Variants in PRKCH observed in about 807,000 individuals in gnomAD.
PRKCH encodes protein kinase C eta type.
A neutral mutation model predicts 82.5 loss-of-function variants in PRKCH; 28 were observed. The observed-to-expected ratio is 0.34, with a 90% CI of 0.25 to 0.47. The LOEUF is 0.47. Ranked by LOEUF, PRKCH falls within the 20% of genes least tolerant of loss-of-function variation. The pLI, the probability that PRKCH is intolerant of heterozygous loss-of-function variation, is 1.00. For synonymous variants in PRKCH, 322 were observed against 327.4 expected, an observed-to-expected ratio of 0.98 and a Z score of 0.18; for missense variants, 705 against 881.8, an observed-to-expected ratio of 0.80 and a Z score of 2.54.
At chr14:61,388,902 G>A (rs1246981193) in intron 1 of PRKCH, among the ~76,000 whole-genome samples, 1 of 152,192 alleles carries the variant, frequency 6.6e-6, no homozygotes, top group Non-Finnish European at 1.5e-5. Context: ...AGGGTGGGTT[G>A]TAAGAATAGG....
intron 1 of PRKCH, among the ~76,000 whole-genome samples, chr14:61,389,037 G>A (rs572616845): frequency 1.6e-4 from 25 of 152,324 alleles, no homozygotes; most frequent in Non-Finnish European, 3.2e-4. Flanking sequence ...GCTTTGTCAT[G>A]GGTAGATACA....
intron 6 of PRKCH, among the ~76,000 whole-genome samples, chr14:61,452,160 C>T (rs911420844): frequency 5.3e-5 from 8 of 152,102 alleles, no homozygotes; most frequent in Non-Finnish European, 8.8e-5. Context: ...TGATTTTTGC[C>T]TTTATGGTCA....
At chr14:61,421,531 C>T (rs766778072) in intron 2 of PRKCH, among the ~76,000 whole-genome samples, 2 of 152,088 alleles carry the variant, frequency 1.3e-5, no homozygotes, top group Non-Finnish European at 2.9e-5. Flanking sequence ...TCTCTGAAGG[C>T]CTATACTCCT....
At chr14:61,402,847 T>A (rs113800179) in intron 2 of PRKCH, among the ~76,000 whole-genome samples, 81 of 150,776 alleles carry the variant, frequency 5.4e-4, no homozygotes, top group Admixed American at 2.6e-3. Flanking sequence ...TCTTTTTTTT[T>A]AATTAATTAA....
At position 61,529,828 on chromosome 14, in the gene PRKCH, C is replaced by T. The variant is rs961158109; in HGVS notation, c.1573-579C>T. On this transcript the variant is annotated intron_variant, in intron 11 of 13. Coordinates refer to ENST00000332981, the MANE Select transcript of PRKCH (RefSeq NM_006255.5). Reference sequence around the variant, plus strand: ...CTAGATGACGAGTTAGTGGGTGCAGCGCACCAGCATGGCACATGTATACAT... The same window carrying T: ...CTAGATGACGAGTTAGTGGGTGCAGTGCACCAGCATGGCACATGTATACAT... Among the ~76,000 whole-genome samples the T allele has an allele frequency of 3.4e-3, 504 of 150,396 alleles. 4 individuals are homozygous for T. The highest frequency in any genetic ancestry group is 0.012 in the African/African-American group (474 of 40,800).
intron 1 of PRKCH, among the ~76,000 whole-genome samples, chr14:61,198,172 ATTTAAG>A: frequency 6.6e-6 from 1 of 151,678 alleles, no homozygotes; most frequent in Non-Finnish European, 1.5e-5. Context: ...ATTTAAGTGT[ATTTAAG>A]GGCAATGCTT....
chr14:61,366,340 A>C (rs1263287163), intron 1 of PRKCH, among the ~76,000 whole-genome samples: 9 of 152,148 alleles, frequency 5.9e-5, no homozygotes, highest in Admixed American at 5.2e-4. Flanking sequence ...AATTTTAAGC[A>C]AGCAATTAGA....
intron 1 of PRKCH, among the ~76,000 whole-genome samples, chr14:61,235,330 G>A (rs2044778791): frequency 6.6e-6 from 1 of 152,164 alleles, no homozygotes; most frequent in Non-Finnish European, 1.5e-5. Flanking sequence ...AGCTCACCAT[G>A]CTAATTTGTT....
chr14:61,451,756 G>T (rs185286214), intron 6 of PRKCH, among the ~76,000 whole-genome samples: 9 of 152,166 alleles, frequency 5.9e-5, no homozygotes, highest in Non-Finnish European at 1.3e-4. Context: ...ACCCCAAGTC[G>T]CCAGTTGAGG....
chr14:61,247,882 T>G (rs2044901990), intron 1 of PRKCH, among the ~76,000 whole-genome samples: 1 of 151,728 alleles, frequency 6.6e-6, no homozygotes, highest in South Asian at 2.1e-4. Context: ...ACAGTAGAGA[T>G]CATCTGGAAA....
At chr14:61,468,459 T>C (rs1024705896) in intron 9 of PRKCH, among the ~76,000 whole-genome samples, 3 of 152,200 alleles carry the variant, frequency 2.0e-5, no homozygotes, top group African/African-American at 7.2e-5. Context: ...AAAATGTGCA[T>C]AGGCCTTCTC....
intron 1 of PRKCH, among the ~76,000 whole-genome samples, chr14:61,255,577 AAAT>A (rs774628799): frequency 1.3e-5 from 2 of 152,204 alleles, no homozygotes; most frequent in African/African-American, 2.4e-5. Context: ...ATACAGATTA[AAAT>A]AATAATAATA....
intron 1 of PRKCH, among the ~76,000 whole-genome samples, chr14:61,316,107 C>G (rs928668395): frequency 6.6e-6 from 1 of 152,030 alleles, no homozygotes; most frequent in African/African-American, 2.4e-5. Flanking sequence ...ACATAATATT[C>G]CATTAAGTTG....
At chr14:61,196,171 A>G (rs1298906471) in intron 1 of PRKCH, among the ~76,000 whole-genome samples, 6 of 152,196 alleles carry the variant, frequency 3.9e-5, no homozygotes, top group Non-Finnish European at 2.9e-5. Flanking sequence ...CCTGGAGGGA[A>G]GGAGAAAGGA....
At chr14:61,385,223 C>T (rs2046569476) in intron 1 of PRKCH, among the ~76,000 whole-genome samples, 2 of 152,174 alleles carry the variant, frequency 1.3e-5, no homozygotes, top group Non-Finnish European at 2.9e-5. Flanking sequence ...TTCTATTAGA[C>T]ACTCTGTCAG....
chr14:61,512,435 G>GT (rs1239517922), intron 10 of PRKCH, among the ~76,000 whole-genome samples: 1 of 151,930 alleles, frequency 6.6e-6, no homozygotes, highest in African/African-American at 2.4e-5. Flanking sequence ...CCGATTCCTA[G>GT]TAAAAAATTT....
chr14:61,302,662 G>A (rs2140105085), intron 1 of PRKCH, among the ~76,000 whole-genome samples: 1 of 152,142 alleles, frequency 6.6e-6, no homozygotes. Flanking sequence ...TATGTTGTGG[G>A]ACTTCCAAAT....
At chr14:61,447,872 C>G (rs1046492431) in intron 4 of PRKCH, among the ~76,000 whole-genome samples, 1 of 152,088 alleles carries the variant, frequency 6.6e-6, no homozygotes, top group African/African-American at 2.4e-5. Flanking sequence ...TTCGAAATTT[C>G]CACCTTAGGA....
chr14:61,496,607 C>T (rs908721565), intron 10 of PRKCH, among the ~76,000 whole-genome samples: 1 of 152,142 alleles, frequency 6.6e-6, no homozygotes, highest in Non-Finnish European at 1.5e-5. Flanking sequence ...CATGGCATCC[C>T]GTGAAACCCT....
Sources: gnomAD v4.1 joint callset for allele counts (sites outside exome capture counted in the v4.1 genomes callset) on GRCh38, gnomAD v4.1.1 for gene constraint, MANE v1.5 for transcripts, NCBI Gene and HGNC (gene_info 2026-07-23, HGNC 2026-07-21) for gene names.